The following ABCB5 variants were observed in gnomAD, a reference collection of about 807,000 sequenced individuals.
The protein encoded by ABCB5 is ATP binding cassette subfamily B member 5.
Under a neutral mutation model 144.2 loss-of-function variants are expected in ABCB5, and 155 were observed. The ratio of observed to expected loss-of-function variants is 1.08; its 90% CI spans 0.94 to 1.23. The LOEUF is 1.23. Ranked by LOEUF, ABCB5 falls within the 50% of genes most tolerant of loss-of-function variation. The probability of loss-of-function intolerance (pLI) is 0.00; values close to 1 mark genes in which losing one functional copy is unlikely to be tolerated. For missense variants in ABCB5, 1,830 were observed against 1,520.8 expected (o/e 1.20, Z -3.38); for synonymous variants, 610 against 528.6 (o/e 1.15, Z -2.11).
At chr7:20,681,006 CTTTCTTTCTTTCTTTCTTTCTT>C (rs1420556382) in intron 14 of ABCB5, among the ~76,000 whole-genome samples, 4 of 8,190 alleles carry the variant, frequency 4.9e-4, no homozygotes, top group Admixed American at 3.3e-3. Flanking sequence ...TTCTTTCTTT[CTTTCTTTCTTTCTTTCTTTCTT>C]TCTTTCTCTT....
At position 20,750,644 on chromosome 7, in the gene ABCB5, T is replaced by C. The variant is rs555926441; in HGVS notation, c.3430-2716T>C. On this transcript the variant is annotated intron_variant, in intron 26 of 27. Coordinates refer to ENST00000404938, the MANE Select transcript of ABCB5 (RefSeq NM_001163941.2). Reference sequence around the variant, plus strand: ...TCTATTAAATATAGATAACATATCGTATATGTATAATACGTAGACTTTTTT... The same window carrying C: ...TCTATTAAATATAGATAACATATCGCATATGTATAATACGTAGACTTTTTT... Among the ~76,000 whole-genome samples, 3 of 152,188 alleles carry C rather than the reference T, an allele frequency of 2.0e-5. No homozygotes were observed. In the East Asian group the frequency reaches 5.8e-4, roughly 29 times the overall value.
chr7:20,739,280 T>C (rs1382112355), intron 24 of ABCB5, 141 bp downstream of exon 24: 8 of 755,236 alleles, frequency 1.1e-5, no homozygotes, highest in Non-Finnish European at 1.5e-5. Context: ...TGTGACAAGA[T>C]CATTCATACC....
intron 19 of ABCB5, among the ~76,000 whole-genome samples, chr7:20,700,920 GA>G (rs1302995747): frequency 6.6e-6 from 1 of 152,144 alleles, no homozygotes; most frequent in Non-Finnish European, 1.5e-5. Flanking sequence ...CACTCCAACT[GA>G]GTCGTCAAAA....
At chr7:20,659,286 T>G in intron 14 of ABCB5, 1 of 1,456,912 alleles carries the variant, frequency 6.9e-7, no homozygotes, top group Non-Finnish European at 9.0e-7. Context: ...GAAAAACCAT[T>G]GAACAGTTTT....
rs1057388484 is a variant in ABCB5, at chr7:20,754,625, C to T, written c.3577-802C>T. Among the ~76,000 whole-genome samples, 7 of 152,152 alleles carry T rather than the reference C, an allele frequency of 4.6e-5. No individual in the cohort carries two copies. The East Asian group carries it at 1.3e-3, about 29-fold the overall frequency. ...ATGCTATGTTAACAGGACAGTTCTA[C>T]AGCTAAATCCTACCAAAAACAAAAC... On this transcript the variant is annotated intron_variant, in intron 27 of 27. Coordinates refer to ENST00000404938, the MANE Select transcript of ABCB5 (RefSeq NM_001163941.2).
intron 20 of ABCB5, among the ~76,000 whole-genome samples, chr7:20,716,838 T>C (rs1048934160): frequency 4.6e-5 from 7 of 152,166 alleles, no homozygotes; most frequent in African/African-American, 1.7e-4. Flanking sequence ...GGCTGAACCC[T>C]ACAGCCTGTT....
At position 20,728,323 on chromosome 7, in the gene ABCB5, C is replaced by A. The variant is rs773459085; in HGVS notation, c.2735C>A (p.Ser912Ter). The A allele has an allele frequency of 6.2e-7, 1 of 1,613,676 alleles. No homozygotes were observed. Among genetic ancestry groups the A allele is most frequent in the Admixed American group, 1.7e-5 (1 of 59,968 alleles). The change falls in exon 23 of 28, where the codon TCG (serine) becomes TAG (stop). Residue 912 changes from serine (S) to a stop codon, truncating the protein, a stop_gained. Transcript: ENST00000404938. LOFTEE classifies it high-confidence loss of function. ...AATTTTGTACATTCCAGAAATACCT[C>A]GAAGAAAGCACAGATTATTGGAAGC... ...EMLQTQHRNT[S>*]KKAQIIGSCY...
chr7:20,745,338 A>T lies in ABCB5; in HGVS notation c.3329A>T (p.Asn1110Ile). 1.9e-6 allele frequency: 3 copies of T among 1,614,148 alleles called. No homozygotes were observed. Among genetic ancestry groups the T allele is most frequent in the South Asian group, 1.1e-5 (1 of 91,078 alleles). The change falls in exon 26 of 28, where the codon AAC (asparagine) becomes ATC (isoleucine). Residue 1110 changes from asparagine (N) to isoleucine (I), a missense_variant. By Grantham distance (149) the Asn-to-Ile change is moderately radical. Coordinates refer to ENST00000404938, the MANE Select transcript of ABCB5 (RefSeq NM_001163941.2). ...CTCTTCAACTGCAGCATTGCTGAGA[A>T]CATCGCCTATGGTGACAACAGCCGT... ...PVLFNCSIAE[N>I]IAYGDNSRVV...
intron 19 of ABCB5, among the ~76,000 whole-genome samples, chr7:20,702,655 AT>A (rs34454519): frequency 0.015 from 1,732 of 117,090 alleles, 19 homozygotes; most frequent in East Asian, 0.026. Flanking sequence ...CATATAATGG[AT>A]TTTTTTTTTT....
At chr7:20,647,313 C>T in intron 9 of ABCB5, 4 of 1,288,796 alleles carry the variant, frequency 3.1e-6, no homozygotes, top group Non-Finnish European at 3.9e-6. Flanking sequence ...TAGGAAAAGG[C>T]CAAGGATACT....
chr7:20,650,066 C>A lies in ABCB5; in HGVS notation c.1251C>A (p.Val417=), dbSNP rs777696771. The part of the protein sequence containing the change: ...LNLRIKSGET[V]ALVGLNGSGK... The stretch of plus-strand genomic sequence containing the variant: ...TCAGAATTAAGTCTGGAGAGACAGT[C>A]GCCTTGGTCGGTCTCAATGGCAGTG... Residue 417 remains valine (V), a synonymous_variant, in exon 12 of 28, where the codon GTC becomes GTA. Transcript: ENST00000404938. 11 of 1,613,468 alleles carry A rather than the reference C, an allele frequency of 6.8e-6. No individual in the cohort carries two copies. Among genetic ancestry groups the A allele is most frequent in the Non-Finnish European group, 8.5e-6 (10 of 1,179,616 alleles).
chr7:20,734,474 T>G (rs747085203), intron 23 of ABCB5, among the ~76,000 whole-genome samples: 3 of 150,180 alleles, frequency 2.0e-5, no homozygotes, highest in Non-Finnish European at 3.0e-5. Context: ...TATCAAACAT[T>G]CCAGATTACT....
At chr7:20,749,064 C>A (rs1417638010) in intron 26 of ABCB5, among the ~76,000 whole-genome samples, 2 of 151,794 alleles carry the variant, frequency 1.3e-5, no homozygotes, top group African/African-American at 2.4e-5. Context: ...TTCTTTCTCT[C>A]TCCCTTTCTT....
chr7:20,659,804 C>T (rs926040607), intron 14 of ABCB5: 1 of 967,502 alleles, frequency 1.0e-6, no homozygotes. Context: ...CTGCCTCAGC[C>T]TCCTGAGTAG....
At chr7:20,674,371 T>G (rs1005935695) in intron 14 of ABCB5, among the ~76,000 whole-genome samples, 25 of 152,018 alleles carry the variant, frequency 1.6e-4, no homozygotes, top group African/African-American at 5.5e-4. Context: ...ATTTATTTCC[T>G]TGATATAGAG....
rs1398189567 is a variant in ABCB5 at position 20,713,816 on chromosome 7, T to C, written c.2421+9009T>C. Among the ~76,000 whole-genome samples, 3 of 149,496 alleles carry C rather than the reference T, an allele frequency of 2.0e-5. No homozygotes were observed. The East Asian group carries it at 5.9e-4, about 30-fold the overall frequency. ...AGGCACTAATCCCAGTCCTGACATGTATGCACTACTCAGCTGAATACTCAA... is the reference window on the plus strand; with the variant it reads ...AGGCACTAATCCCAGTCCTGACATGCATGCACTACTCAGCTGAATACTCAA... On this transcript the variant is annotated intron_variant, in intron 20 of 27. Transcript: ENST00000404938.
intron 4 of ABCB5, among the ~76,000 whole-genome samples, chr7:20,629,146 G>A (rs1399326054): frequency 3.3e-3 from 4 of 1,222 alleles, no homozygotes; most frequent in African/African-American, 4.1e-3. Context: ...GAGAGACTGC[G>A]TGTGTGTGTG....
At chr7:20,750,523 A>G (rs1295360865) in intron 26 of ABCB5, among the ~76,000 whole-genome samples, 2 of 152,200 alleles carry the variant, frequency 1.3e-5, no homozygotes, top group African/African-American at 4.8e-5. Context: ...TATTTATCCC[A>G]CTTAGAATAA....
At chr7:20,648,563 G>A (rs891939586) in intron 11 of ABCB5, among the ~76,000 whole-genome samples, 2 of 152,018 alleles carry the variant, frequency 1.3e-5, no homozygotes, top group Non-Finnish European at 2.9e-5. Flanking sequence ...CCATCATTCA[G>A]TCTTTGACAA....
Sources: allele counts gnomAD v4.1 joint callset (sites outside exome capture counted in the v4.1 genomes callset), GRCh38; gene constraint gnomAD v4.1.1; transcripts MANE v1.5; gene names NCBI Gene and HGNC (gene_info 2026-07-23, HGNC 2026-07-21).